The following GRID2 variants were observed in gnomAD, a reference collection of about 807,000 sequenced individuals.
GRID2 encodes glutamate receptor ionotropic, delta-2.
In GRID2, 33 loss-of-function variants were observed where a neutral mutation model predicts 114.8. That is an observed-to-expected ratio of 0.29 (90% CI 0.22 to 0.38). GRID2 has a LOEUF of 0.38. Among genes scored for constraint, GRID2 ranks in the 10% least tolerant of loss-of-function variants. GRID2 has a pLI of 1.00. For synonymous variants in GRID2, 505 were observed against 449.9 expected, an observed-to-expected ratio of 1.12 and a Z score of -1.55; for missense variants, 1,184 against 1,257.7, an observed-to-expected ratio of 0.94 and a Z score of 0.89.
Position 92,340,095 on chromosome 4 carries a change from A to G in GRID2, c.88+35351A>G, listed in dbSNP as rs1287493205. 3.3e-5 allele frequency among the ~76,000 whole-genome samples: 5 copies of G among 152,160 alleles called. No individual in the cohort carries two copies. In the East Asian group the frequency reaches 9.6e-4, roughly 29 times the overall value. ...GTATTTAAATGAACAATAAAAAATA[A>G]TGTATTATTTAAGATAATTATAAAA... On this transcript the variant is annotated intron_variant, in intron 1 of 15. Coordinates refer to ENST00000282020, the MANE Select transcript of GRID2 (RefSeq NM_001510.4).
At chr4:93,656,691 A>G (rs367697520) in intron 14 of GRID2, among the ~76,000 whole-genome samples, 5,331 of 118,858 alleles carry the variant, frequency 0.045, 192 homozygotes, top group Middle Eastern at 0.13. Context: ...TTAGCCAGGC[A>G]TGGTGGCGGG....
intron 2 of GRID2, among the ~76,000 whole-genome samples, chr4:92,807,567 T>G (rs1740478539): frequency 6.6e-6 from 1 of 151,938 alleles, no homozygotes; most frequent in Admixed American, 6.6e-5. Context: ...AAATCTATAA[T>G]ATTAAAAAAT....
chr4:93,351,032 A>C (rs1461856956), intron 8 of GRID2, among the ~76,000 whole-genome samples: 1 of 151,962 alleles, frequency 6.6e-6, no homozygotes, highest in Admixed American at 6.6e-5. Context: ...AAACCATCAG[A>C]TCTTATGAGA....
intron 8 of GRID2, among the ~76,000 whole-genome samples, chr4:93,299,157 G>T (rs968176405): frequency 2.6e-5 from 4 of 152,132 alleles, no homozygotes; most frequent in Non-Finnish European, 5.9e-5. Flanking sequence ...TTCTGTACCT[G>T]ACAACTTTCA....
At chr4:93,631,518 A>G (rs533498570) in intron 14 of GRID2, among the ~76,000 whole-genome samples, 1 of 152,332 alleles carries the variant, frequency 6.6e-6, no homozygotes, top group South Asian at 2.1e-4. Flanking sequence ...TTCCACCTTC[A>G]TCTATGTCCC....
intron 2 of GRID2, among the ~76,000 whole-genome samples, chr4:92,699,090 A>G (rs1734551741): frequency 6.6e-6 from 1 of 152,134 alleles, no homozygotes; most frequent in Admixed American, 6.6e-5. Context: ...AAAAAACAGT[A>G]ATTTCATGGT....
chr4:92,469,700 A>G (rs1330191856), intron 1 of GRID2, among the ~76,000 whole-genome samples: 1 of 152,038 alleles, frequency 6.6e-6, no homozygotes, highest in Non-Finnish European at 1.5e-5. Flanking sequence ...GAAAAGACAA[A>G]TGAAACAAAC....
chr4:92,372,713 T>A (rs1579256047), intron 1 of GRID2, among the ~76,000 whole-genome samples: 2 of 152,104 alleles, frequency 1.3e-5, no homozygotes, highest in East Asian at 1.9e-4. Context: ...GCCTGTTCTG[T>A]TGTTTTAAGT....
Position 92,616,586 on chromosome 4 carries a change from C to T in GRID2, c.244+26300C>T, listed in dbSNP as rs528655494. On this transcript the variant is annotated intron_variant, in intron 2 of 15. Coordinates refer to ENST00000282020, the MANE Select transcript of GRID2 (RefSeq NM_001510.4). ...AGATTTTTCCCCTCTTTCAGAGACT[C>T]TTATTACATCATTATTACATATGTG... Among the ~76,000 whole-genome samples, 2 of 151,370 alleles carry T rather than the reference C, an allele frequency of 1.3e-5. 1 individual carries two copies. The highest frequency in any genetic ancestry group is 4.2e-4 in the South Asian group (2 of 4,814).
chr4:92,397,706 A>C (rs1294677273), intron 1 of GRID2, among the ~76,000 whole-genome samples: 1 of 152,116 alleles, frequency 6.6e-6, no homozygotes, highest in Non-Finnish European at 1.5e-5. Flanking sequence ...AGCTCCCATC[A>C]TGAGGGGAAG....
intron 11 of GRID2, among the ~76,000 whole-genome samples, chr4:93,481,937 A>C (rs1320810653): frequency 1.3e-5 from 2 of 152,052 alleles, no homozygotes; most frequent in African/African-American, 4.8e-5. Context: ...GGAATGCTTG[A>C]AATTCAGATT....
At chr4:93,768,309 T>A (rs565288677) in intron 14 of GRID2, among the ~76,000 whole-genome samples, 3 of 152,314 alleles carry the variant, frequency 2.0e-5, no homozygotes, top group Middle Eastern at 3.4e-3. Context: ...CTTGGTCTGA[T>A]CTTCCTTGCC....
intron 13 of GRID2, among the ~76,000 whole-genome samples, chr4:93,585,836 A>G (rs972841170): frequency 6.6e-6 from 1 of 152,100 alleles, no homozygotes; most frequent in Non-Finnish European, 1.5e-5. Flanking sequence ...CACATTTTCT[A>G]TGAACTTTTT....
chr4:93,260,203 A>C (rs1750101785), intron 8 of GRID2, among the ~76,000 whole-genome samples: 1 of 151,696 alleles, frequency 6.6e-6, no homozygotes, highest in Non-Finnish European at 1.5e-5. Context: ...AAATCCATGG[A>C]GTTTATCACA....
chr4:92,586,804 C>G (rs1394438360), intron 1 of GRID2, among the ~76,000 whole-genome samples: 1 of 151,726 alleles, frequency 6.6e-6, no homozygotes, highest in East Asian at 1.9e-4. Flanking sequence ...GTAGTACAAA[C>G]TCATAAACAT....
intron 2 of GRID2, among the ~76,000 whole-genome samples, chr4:93,026,714 C>T (rs908169722): frequency 6.6e-6 from 1 of 151,748 alleles, no homozygotes; most frequent in Admixed American, 6.6e-5. Context: ...TTGTCCTTGC[C>T]TGATCATTGC....
At chr4:92,428,992 T>G (rs535969847) in intron 1 of GRID2, among the ~76,000 whole-genome samples, 1 of 152,294 alleles carries the variant, frequency 6.6e-6, no homozygotes, top group Non-Finnish European at 1.5e-5. Flanking sequence ...ATTAGCTATT[T>G]CTTCTAATGC....
At chr4:92,587,339 T>C (rs944645010) in intron 1 of GRID2, among the ~76,000 whole-genome samples, 1 of 152,056 alleles carries the variant, frequency 6.6e-6, no homozygotes, top group Non-Finnish European at 1.5e-5. Flanking sequence ...CTAGTACCTA[T>C]AGTATTGGAT....
At chr4:92,358,477 A>G (rs1006531488) in intron 1 of GRID2, among the ~76,000 whole-genome samples, 1 of 151,956 alleles carries the variant, frequency 6.6e-6, no homozygotes, top group African/African-American at 2.4e-5. Context: ...CTTGGGGAAC[A>G]ATATTTTAGA....
Sources: allele counts gnomAD v4.1 joint callset (sites outside exome capture counted in the v4.1 genomes callset), GRCh38; gene constraint gnomAD v4.1.1; transcripts MANE v1.5; gene names NCBI Gene and HGNC (gene_info 2026-07-23, HGNC 2026-07-21).